Variants in FAM162A observed in about 807,000 individuals in gnomAD.
FAM162A encodes the protein protein FAM162A.
A neutral mutation model predicts 21.8 loss-of-function variants in FAM162A; 23 were observed. The ratio of observed to expected loss-of-function variants is 1.05; its 90% CI spans 0.76 to 1.49. The LOEUF (loss-of-function observed/expected upper bound fraction) is 1.49, where lower values mean the gene tolerates loss of function less well. Among genes scored for constraint, FAM162A ranks in the 40% most tolerant of loss-of-function variants. The probability of loss-of-function intolerance (pLI) is 0.00; values close to 1 mark genes in which losing one functional copy is unlikely to be tolerated. For missense variants in FAM162A, 165 were observed against 186.4 expected (o/e 0.89, Z 0.67); for synonymous variants, 53 against 61.3 (o/e 0.86, Z 0.64).
chr3:122,397,913 A>G (rs545272250), intron 1 of FAM162A, among the ~76,000 whole-genome samples: 151 of 152,334 alleles, frequency 9.9e-4, no homozygotes, highest in African/African-American at 2.9e-3. Flanking sequence ...GCCCATTGGG[A>G]GGAATGTGTG....
intron 1 of FAM162A, among the ~76,000 whole-genome samples, chr3:122,388,781 G>A (rs2075585999): frequency 6.6e-6 from 1 of 152,212 alleles, no homozygotes; most frequent in Admixed American, 6.5e-5. Context: ...CGGGCACGGT[G>A]GCTCAAGCTT....
At chr3:122,409,131 C>G (rs1229358361) in intron 4 of FAM162A, among the ~76,000 whole-genome samples, 1 of 151,808 alleles carries the variant, frequency 6.6e-6, no homozygotes, top group Non-Finnish European at 1.5e-5. Context: ...TGAAACTGGC[C>G]TGTATGTAAG....
intron 1 of FAM162A, among the ~76,000 whole-genome samples, chr3:122,394,613 T>A (rs1485092124): frequency 6.6e-6 from 1 of 152,072 alleles, no homozygotes; most frequent in Non-Finnish European, 1.5e-5. Context: ...ATCTGAAAAG[T>A]CCTGTAACAG....
chr3:122,408,553 C>T (rs1349035122), intron 4 of FAM162A, among the ~76,000 whole-genome samples: 2 of 152,232 alleles, frequency 1.3e-5, no homozygotes, highest in South Asian at 2.1e-4. Context: ...TTAGGCTGAC[C>T]TCATGGGAGT....
At chr3:122,389,205 G>C (rs1464586566) in intron 1 of FAM162A, among the ~76,000 whole-genome samples, 1 of 152,170 alleles carries the variant, frequency 6.6e-6, no homozygotes, top group East Asian at 1.9e-4. Flanking sequence ...AATCATTTGA[G>C]CTATGAAAAA....
At chr3:122,399,988 C>T (rs2075645715) in intron 1 of FAM162A, among the ~76,000 whole-genome samples, 1 of 152,076 alleles carries the variant, frequency 6.6e-6, no homozygotes, top group African/African-American at 2.4e-5. Context: ...CCTGTAATCC[C>T]AGCTACTCGG....
chr3:122,385,376 A>C (rs1372689666), intron 1 of FAM162A, among the ~76,000 whole-genome samples: 2 of 152,178 alleles, frequency 1.3e-5, no homozygotes, highest in Non-Finnish European at 1.5e-5. Context: ...TAAAATCCTC[A>C]ATACTATGAT....
chr3:122,389,644 T>C (rs2075591753), intron 1 of FAM162A, among the ~76,000 whole-genome samples: 1 of 152,212 alleles, frequency 6.6e-6, no homozygotes, highest in African/African-American at 2.4e-5. Flanking sequence ...TCGGGTTTTA[T>C]ACAGCTATTA....
At chr3:122,387,115 G>A (rs1164933113) in intron 1 of FAM162A, among the ~76,000 whole-genome samples, 1 of 152,182 alleles carries the variant, frequency 6.6e-6, no homozygotes, top group East Asian at 1.9e-4. Flanking sequence ...TTGGATGAAG[G>A]ATGCTAGGAA....
intron 1 of FAM162A, 74 bp from the exon 2 acceptor site, chr3:122,402,686 G>A (rs1035043552): frequency 1.6e-5 from 22 of 1,344,950 alleles, no homozygotes; most frequent in South Asian, 3.7e-5. Context: ...CGTAACTTGC[G>A]GGTATTTCTT....
At chr3:122,402,226 A>G (rs982171240) in intron 1 of FAM162A, among the ~76,000 whole-genome samples, 2 of 151,138 alleles carry the variant, frequency 1.3e-5, no homozygotes, top group Non-Finnish European at 2.9e-5. Flanking sequence ...AATAAACTAT[A>G]TATATTATAT....
At chr3:122,396,662 C>T (rs2075629028) in intron 1 of FAM162A, among the ~76,000 whole-genome samples, 1 of 152,086 alleles carries the variant, frequency 6.6e-6, no homozygotes, top group South Asian at 2.1e-4. Context: ...ATACATGTTC[C>T]TCAAAAACTT....
rs1331557436 is a variant in FAM162A, at chr3:122,410,335, CT to C, written c.*508del. 1 of 167,686 alleles carries C rather than the reference CT, an allele frequency of 6.0e-6. No individual in the cohort carries two copies. Among genetic ancestry groups the C allele is most frequent in the African/African-American group, 2.4e-5 (1 of 41,524 alleles). 10.4% of individuals were successfully genotyped at this position (167,686 alleles called of 1,614,324 possible). A position where few individuals can be genotyped will look rare whatever the true frequency, so the allele number is the denominator to read the frequency against. ...CTTTGAACATGCTGGCAGATGGAGGCTTTTAGGAGAATAGTTTTTTAAACAT... is the reference window on the plus strand; with the variant it reads ...CTTTGAACATGCTGGCAGATGGAGGCTTTAGGAGAATAGTTTTTTAAACAT... On this transcript the variant is annotated 3_prime_UTR_variant, in exon 5 of 5. Transcript: ENST00000477892.
chr3:122,384,607 A>G (rs2075565399), intron 1 of FAM162A, among the ~76,000 whole-genome samples: 2 of 151,566 alleles, frequency 1.3e-5, no homozygotes, highest in East Asian at 1.9e-4. Flanking sequence ...TCTGTAAAGC[A>G]CCTACTATCC....
At chr3:122,397,710 T>A (rs1986617) in intron 1 of FAM162A, among the ~76,000 whole-genome samples, 38,129 of 152,182 alleles carry the variant, frequency 0.25, 5,187 homozygotes, top group South Asian at 0.35. Flanking sequence ...CTGCTTCTGA[T>A]TTTAATTAAT....
intron 1 of FAM162A, chr3:122,401,504 C>G: frequency 7.9e-7 from 1 of 1,260,540 alleles, no homozygotes. Flanking sequence ...ATTTAAGTAT[C>G]TTATAAGAAC....
rs2075658522 is a variant in FAM162A, at chr3:122,402,763, G to A, written c.38G>A (p.Ser13Asn). 2 of 1,472,206 alleles carry A rather than the reference G, an allele frequency of 1.4e-6. No individual in the cohort carries two copies. Among genetic ancestry groups the A allele is most frequent in the Non-Finnish European group, 1.8e-6 (2 of 1,108,588 alleles). The allele number at this position is 1,472,206 out of a possible 1,614,324, so 91.2% of individuals were successfully genotyped here. Residue 13 changes from serine to asparagine, a missense_variant, in exon 2 of 5, where the codon AGC becomes AAC. Coordinates refer to ENST00000477892, the MANE Select transcript of FAM162A (RefSeq NM_014367.4). Reference protein sequence around the residue: ...SLSGLRLAAGSCFRLCERDVS... With the variant: ...SLSGLRLAAGNCFRLCERDVS... ...AACATTTTCCTCTCTTTTTTAGGAA[G>A]CTGTTTTAGGTTATGTGAAAGAGAT... is the stretch of plus-strand genomic sequence containing the variant.
intron 1 of FAM162A, among the ~76,000 whole-genome samples, chr3:122,395,783 G>C (rs920849275): frequency 6.6e-6 from 1 of 152,126 alleles, no homozygotes; most frequent in South Asian, 2.1e-4. Context: ...CATACTTCCT[G>C]ATTAAAAACT....
chr3:122,409,658 ACCTGCTGTCAT>A, intron 4 of FAM162A, 70 bp from the exon 5 acceptor site: 4 of 1,224,056 alleles, frequency 3.3e-6, no homozygotes, highest in Non-Finnish European at 4.8e-6. Flanking sequence ...GCCTCTGTTA[ACCTGCTGTCAT>A]CAGTGCAAGG....
Sources: allele counts gnomAD v4.1 joint callset (sites outside exome capture counted in the v4.1 genomes callset), GRCh38; gene constraint gnomAD v4.1.1; transcripts MANE v1.5; gene names NCBI Gene and HGNC (gene_info 2026-07-23, HGNC 2026-07-21).